The following CEP72 variants were observed in gnomAD, a reference collection of about 807,000 sequenced individuals.
CEP72 encodes the protein centrosomal protein of 72 kDa.
Under a neutral mutation model 65.7 loss-of-function variants are expected in CEP72, and 78 were observed. The observed-to-expected ratio is 1.19, with a 90% CI of 0.99 to 1.43. The LOEUF is 1.43. CEP72 is among the 40% of genes most tolerant of loss of function. The pLI is 0.00. For missense variants in CEP72, 914 were observed against 832.9 expected (o/e 1.10, Z -1.20); for synonymous variants, 358 against 351.7 (o/e 1.02, Z -0.20).
Position 645,645 on chromosome 5 carries a change from G to A in CEP72, c.1666+1220G>A, listed in dbSNP as rs193065190. On this transcript the variant is annotated intron_variant, in intron 10 of 11. Coordinates refer to ENST00000264935, the MANE Select transcript of CEP72 (RefSeq NM_018140.4). This position sits in a 1 kb window ranked among gnomAD's most constrained non-coding sequence, Gnocchi z 4.0. ...GCAGGCACCAGCCGCCCTGCTGTGC[G>A]ATGGCATCTGATCAGCACTGGTACC... Among the ~76,000 whole-genome samples the A allele has an allele frequency of 1.3e-5, 2 of 152,318 alleles. No homozygotes were observed. The highest frequency in any genetic ancestry group is 4.8e-5 in the African/African-American group (2 of 41,580).
intron 4 of CEP72, among the ~76,000 whole-genome samples, chr5:627,645 T>A (rs1736839897): frequency 6.6e-6 from 1 of 152,230 alleles, no homozygotes; most frequent in Non-Finnish European, 1.5e-5. Context: ...AGCTCTTTTG[T>A]CTGCCATTTT....
chr5:634,978 C>G (rs2126780375), intron 5 of CEP72, among the ~76,000 whole-genome samples: 1 of 152,308 alleles, frequency 6.6e-6, no homozygotes, highest in East Asian at 1.9e-4. Context: ...TTGCTGCAGC[C>G]TTTGCCTCCC....
At chr5:651,287 ACTGTGAGGTGTGACTGTGAGG>A (rs1739059775) in intron 11 of CEP72, among the ~76,000 whole-genome samples, 1 of 114,614 alleles carries the variant, frequency 8.7e-6, no homozygotes, top group African/African-American at 3.4e-5. Context: ...GTGAGGTGTG[ACTGTGAGGTGTGACTGTGAGG>A]TGTGACTGTG....
intron 10 of CEP72, 45 bp downstream of exon 10, chr5:644,470 C>T (rs749326694): frequency 6.2e-7 from 1 of 1,601,436 alleles, no homozygotes; most frequent in East Asian, 2.2e-5. Flanking sequence ...TTTAGGTGTT[C>T]AAATGTGCCT....
chr5:619,226 C>T (rs182973652), intron 2 of CEP72, 109 bp downstream of exon 2: 56 of 935,570 alleles, frequency 6.0e-5, no homozygotes, highest in Admixed American at 3.2e-4. Context: ...CATCTGTATA[C>T]GGTACACTTT....
intron 9 of CEP72, chr5:641,545 A>G (rs1273301491): frequency 1.1e-5 from 11 of 984,024 alleles, no homozygotes; most frequent in Non-Finnish European, 1.3e-5. Flanking sequence ...GCAAAACAAC[A>G]CAGGCAGCCT....
rs3840990 is a variant in CEP72 at position 653,351 on chromosome 5, G to GC, written c.*201dup. 0.23 allele frequency: 113,076 copies of GC among 481,332 alleles called. 14,551 individuals carry two copies. Among genetic ancestry groups the GC allele is most frequent in the East Asian group, 0.39 (11,745 of 30,428 alleles). 29.8% of individuals were successfully genotyped at this position (481,332 alleles called of 1,614,324 possible). A position where few individuals can be genotyped will look rare whatever the true frequency, so the allele number is the denominator to read the frequency against. On this transcript the variant is annotated 3_prime_UTR_variant, in exon 12 of 12. Coordinates refer to ENST00000264935, the MANE Select transcript of CEP72 (RefSeq NM_018140.4). ...TCGTAAAATGATATGATTACTCCAAGCCCTCTGCATGTTTTCAGACAGAAC... is the reference window on the plus strand; with the variant it reads ...TCGTAAAATGATATGATTACTCCAAGCCCCTCTGCATGTTTTCAGACAGAAC...
In CEP72 at chr5:620,066, C is replaced by G; in HGVS notation, c.211-3C>G. The G allele has an allele frequency of 6.3e-7, 1 of 1,594,952 alleles. No individual in the cohort carries two copies. Among genetic ancestry groups the G allele is most frequent in the Non-Finnish European group, 8.6e-7 (1 of 1,163,524 alleles). On this transcript the variant is annotated splice_region_variant and splice_polypyrimidine_tract_variant and intron_variant, in intron 2 of 11. Coordinates refer to ENST00000264935, the MANE Select transcript of CEP72 (RefSeq NM_018140.4). ...ATGAATTCACTGTGTTTTCTGTTGA[C>G]AGGGCATTCAGTACCTGACTGCATT...
At position 633,788 on chromosome 5, in the gene CEP72, A is replaced by C; in HGVS notation, c.532A>C (p.Lys178Gln). 1 of 1,614,106 alleles carries C rather than the reference A, an allele frequency of 6.2e-7. No individual in the cohort carries two copies. ...TTACAGACCACACCACCCCAGAGCC[A>C]AGTGCACCGAGGCCTTGGCCAAGCA... The part of the protein sequence containing the change: ...KEGRPHHPRA[K>Q]CTEALAKQSL... Residue 178 changes from lysine to glutamine, a missense_variant, in exon 5 of 12, where the codon AAG becomes CAG. Transcript: ENST00000264935.
the CEP72 span, among the ~76,000 whole-genome samples, chr5:673,174 C>T: frequency 6.6e-5 from 10 of 151,942 alleles, no homozygotes; most frequent in Non-Finnish European, 1.3e-4. Context: ...CCCACAGGCC[C>T]GCCGCCACCA....
At chr5:615,135 T>C (rs1241663035) in intron 1 of CEP72, among the ~76,000 whole-genome samples, 3 of 20,412 alleles carry the variant, frequency 1.5e-4, no homozygotes, top group African/African-American at 3.8e-4. Flanking sequence ...AGTCTTCCTC[T>C]TTTTTTTTTT....
Position 646,627 on chromosome 5 carries a change from C to T in CEP72, c.1667-1178C>T, listed in dbSNP as rs535800494. ...TGGTGCAGGCTCTGTTCTAGAAGAC[C>T]AGGCAGGTCAGCTCTGAGGGATTGC... On this transcript the variant is annotated intron_variant, in intron 10 of 11. Coordinates refer to ENST00000264935, the MANE Select transcript of CEP72 (RefSeq NM_018140.4). Among the ~76,000 whole-genome samples, 15 of 152,274 alleles carry T rather than the reference C, an allele frequency of 9.9e-5. No individual in the cohort carries two copies. The East Asian group carries it at 2.9e-3, about 29-fold the overall frequency.
intron 11 of CEP72, among the ~76,000 whole-genome samples, chr5:652,216 G>C (rs1580046513): frequency 6.6e-6 from 1 of 152,318 alleles, no homozygotes; most frequent in African/African-American, 2.4e-5. Flanking sequence ...GGACAAGGCA[G>C]GGTGCACAGC....
intron 3 of CEP72, among the ~76,000 whole-genome samples, chr5:621,860 G>A (rs1320327440): frequency 2.6e-5 from 4 of 152,206 alleles, no homozygotes; most frequent in African/African-American, 4.8e-5. Context: ...TGCAACCTCC[G>A]CCTCCCGGGT....
intron 1 of CEP72, 176 bp downstream of exon 1, chr5:612,619 C>T: frequency 4.1e-6 from 4 of 985,342 alleles, no homozygotes; most frequent in Non-Finnish European, 4.8e-6. Flanking sequence ...ACCCACCCCC[C>T]GTGCCCAGGT....
At chr5:675,532 C>A in the CEP72 span, among the ~76,000 whole-genome samples, 625 of 51,108 alleles carry the variant, frequency 0.012, 19 homozygotes, top group African/African-American at 0.041. Context: ...GCAGTGTGGC[C>A]GGGGATGCCG....
rs550397083 is a variant in CEP72 at position 639,105 on chromosome 5, A to C, written c.1223A>C (p.His408Pro). 1 of 1,613,212 alleles carries C rather than the reference A, an allele frequency of 6.2e-7. No individual in the cohort carries two copies. Among genetic ancestry groups the C allele is most frequent in the Non-Finnish European group, 8.5e-7 (1 of 1,179,852 alleles). The change falls in exon 8 of 12, where the codon CAC (histidine) becomes CCC (proline). Residue 408 changes from histidine (H) to proline (P), a missense_variant. Transcript: ENST00000264935. ...TDTREPSPGS[H>P]SALPGKKTAL... ...CCATCACAGCCGTCTCCCGGGTCAC[A>C]CTCGGCTCTACCCGGGAAGAAGACG... is the stretch of plus-strand genomic sequence containing the variant.
chr5:663,353 G>T (rs1212736337), intron 1 of CEP72: 1 of 152,470 alleles, frequency 6.6e-6, no homozygotes, highest in Non-Finnish European at 1.5e-5. Context: ...CCAGGCCGGT[G>T]AGGTGACATC....
At chr5:641,107 C>T (rs1166186502) in intron 9 of CEP72, 4 of 985,366 alleles carry the variant, frequency 4.1e-6, no homozygotes, top group Non-Finnish European at 4.8e-6. Context: ...CAGGCTCCCT[C>T]CTTCCGTCTC....
Sources: allele counts gnomAD v4.1 joint callset (sites outside exome capture counted in the v4.1 genomes callset), GRCh38; gene constraint gnomAD v4.1.1; non-coding constraint Gnocchi (gnomAD v3.1); transcripts MANE v1.5; gene names NCBI Gene and HGNC (gene_info 2026-07-23, HGNC 2026-07-21).